C12orf56: variants seen among roughly 807,000 people sequenced by gnomAD.
C12orf56 encodes chromosome 12 open reading frame 56.
A neutral mutation model predicts 69.9 loss-of-function variants in C12orf56; 71 were observed. The observed-to-expected ratio is 1.02, with a 90% CI of 0.84 to 1.24. The LOEUF is 1.24. Ranked by LOEUF, C12orf56 falls within the 50% of genes most tolerant of loss-of-function variation. The probability of loss-of-function intolerance (pLI) is 0.00; values close to 1 mark genes in which losing one functional copy is unlikely to be tolerated. For missense variants in C12orf56, 732 were observed against 738.5 expected (o/e 0.99, Z 0.10); for synonymous variants, 276 against 274.1 (o/e 1.01, Z -0.07).
At chr12:64,362,109 C>T (rs2039407512) in intron 1 of C12orf56, among the ~76,000 whole-genome samples, 1 of 152,112 alleles carries the variant, frequency 6.6e-6, no homozygotes, top group African/African-American at 2.4e-5. Flanking sequence ...CATCCAAGAA[C>T]CCTTTCTTGG....
At chr12:64,285,616 C>T (rs1232072437) in intron 7 of C12orf56, among the ~76,000 whole-genome samples, 3 of 152,038 alleles carry the variant, frequency 2.0e-5, no homozygotes, top group Non-Finnish European at 2.9e-5. Flanking sequence ...GGTGAAACCC[C>T]GTTTCTACTA....
At chr12:64,278,494 G>A (rs2038084851) in intron 8 of C12orf56, among the ~76,000 whole-genome samples, 1 of 151,800 alleles carries the variant, frequency 6.6e-6, no homozygotes, top group Admixed American at 6.6e-5. Flanking sequence ...ATATATTTAT[G>A]GTATACAACA....
chr12:64,371,733 G>A (rs1232186895), intron 1 of C12orf56, among the ~76,000 whole-genome samples: 1 of 151,992 alleles, frequency 6.6e-6, no homozygotes, highest in Non-Finnish European at 1.5e-5. Context: ...GGGAGGCCGA[G>A]GCAGGAGAAT....
intron 8 of C12orf56, among the ~76,000 whole-genome samples, chr12:64,282,299 T>C (rs74097997): frequency 0.019 from 2,871 of 152,378 alleles, 90 homozygotes; most frequent in African/African-American, 0.065. Context: ...GCCTACAGCC[T>C]GTTTCTGTGA....
intron 8 of C12orf56, among the ~76,000 whole-genome samples, chr12:64,281,407 A>G (rs2038125627): frequency 6.6e-6 from 1 of 151,990 alleles, no homozygotes; most frequent in Admixed American, 6.6e-5. Context: ...CGTCTTAACT[A>G]AAAACATAAA....
At chr12:64,359,490 T>G (rs977193290) in intron 1 of C12orf56, among the ~76,000 whole-genome samples, 6 of 152,056 alleles carry the variant, frequency 3.9e-5, no homozygotes, top group African/African-American at 1.4e-4. Context: ...AAAAAAAAAT[T>G]CAAAAATAAA....
chr12:64,379,288 A>ATT (rs375429247), intron 1 of C12orf56, among the ~76,000 whole-genome samples: 90 of 141,820 alleles, frequency 6.3e-4, no homozygotes, highest in East Asian at 2.9e-3. Context: ...ATGCAATTTC[A>ATT]TTTTTTTTTT....
At position 64,320,226 on chromosome 12, in the gene C12orf56, A is replaced by G. The variant is rs146318582; in HGVS notation, c.489-1246T>C. 5.8e-4 allele frequency among the ~76,000 whole-genome samples: 89 copies of G among 152,272 alleles called. 1 individual carries two copies. The highest frequency in any genetic ancestry group is 4.7e-3 in the Admixed American group (72 of 15,302). ...CACTCACCACATAGCCCAAGATTCC[A>G]TTCCTTGGAATCCATGAGGCCAAGA... On this transcript the variant is annotated intron_variant, in intron 3 of 12. Transcript: ENST00000543942.
intron 2 of C12orf56, among the ~76,000 whole-genome samples, chr12:64,342,732 T>C (rs1282105649): frequency 6.6e-6 from 1 of 152,164 alleles, no homozygotes; most frequent in South Asian, 2.1e-4. Context: ...TGGTCAAACG[T>C]TCAGTTTCCA....
rs537409522 is a variant in C12orf56 at position 64,265,123 on chromosome 12, C to G, written c.*2060G>C. On this transcript the variant is annotated 3_prime_UTR_variant, in exon 13 of 13. Transcript: ENST00000543942. ...AGTTGATCCTCTCGTTGTCATCCTG[C>G]GGGTTCATCAGTACATTCTTTGTCC... is the stretch of plus-strand genomic sequence containing the variant. 9 of 152,210 alleles carry G rather than the reference C, an allele frequency of 5.9e-5. No individual in the cohort carries two copies. Among genetic ancestry groups the G allele is most frequent in the Non-Finnish European group, 1.2e-4 (8 of 68,078 alleles). 9.4% of individuals were successfully genotyped at this position (152,210 alleles called of 1,614,324 possible). A position where few individuals can be genotyped will look rare whatever the true frequency, so the allele number is the denominator to read the frequency against.
intron 12 of C12orf56, among the ~76,000 whole-genome samples, chr12:64,269,053 T>C (rs2037947914): frequency 6.6e-6 from 1 of 151,796 alleles, no homozygotes; most frequent in Non-Finnish European, 1.5e-5. Context: ...GAAGGGGGCA[T>C]TGCTTGAGCC....
chr12:64,386,257 AG>A (rs1299258740), intron 1 of C12orf56, among the ~76,000 whole-genome samples: 2 of 151,778 alleles, frequency 1.3e-5, no homozygotes, highest in Non-Finnish European at 2.9e-5. Flanking sequence ...TCTGTTGCCC[AG>A]GCTGGAGTGC....
chr12:64,354,859 G>GAGGT (rs2039285891), intron 1 of C12orf56, among the ~76,000 whole-genome samples: 1 of 149,952 alleles, frequency 6.7e-6, no homozygotes, highest in African/African-American at 2.4e-5. Flanking sequence ...CCAGTGGATC[G>GAGGT]CCTGAAGTCA....
rs550764416 is a variant in C12orf56 at position 64,337,715 on chromosome 12, C to T, written c.416-6683G>A. ...CTACTAAAAATACAAAAATTAGTCA[C>T]GTGTGGTAGTGCATGCCTGTAATCC... On this transcript the variant is annotated intron_variant, in intron 2 of 12. Coordinates refer to ENST00000543942, the MANE Select transcript of C12orf56 (RefSeq NM_001170633.2). Among the ~76,000 whole-genome samples, 164 of 151,992 alleles carry T rather than the reference C, an allele frequency of 1.1e-3. 1 individual carries two copies. The highest frequency in any genetic ancestry group is 3.8e-3 in the African/African-American group (158 of 41,462).
chr12:64,311,950 G>A (rs2038622263), intron 5 of C12orf56, among the ~76,000 whole-genome samples: 2 of 152,174 alleles, frequency 1.3e-5, no homozygotes, highest in South Asian at 2.1e-4. Context: ...GGGCATGAGC[G>A]AGTGACCATG....
chr12:64,371,660 G>A (rs1032193712), intron 1 of C12orf56, among the ~76,000 whole-genome samples: 3 of 151,362 alleles, frequency 2.0e-5, no homozygotes, highest in African/African-American at 7.3e-5. Context: ...GTGAAACCCG[G>A]CTCTAAGAAA....
intron 11 of C12orf56, among the ~76,000 whole-genome samples, chr12:64,273,979 A>G (rs768737246): frequency 7.2e-5 from 11 of 152,218 alleles, no homozygotes; most frequent in Non-Finnish European, 7.3e-5. Context: ...GAAGCAAATA[A>G]TAACACAAAC....
intron 3 of C12orf56, among the ~76,000 whole-genome samples, chr12:64,328,701 AAAAAAATATATATATATAT>A (rs1391285814): frequency 1.1e-3 from 20 of 18,630 alleles, no homozygotes; most frequent in South Asian, 1.9e-3. Context: ...AAAAAAAAAA[AAAAAAATATATATATATAT>A]ATATATATAT....
At chr12:64,373,625 A>C (rs539132990) in intron 1 of C12orf56, among the ~76,000 whole-genome samples, 1 of 152,350 alleles carries the variant, frequency 6.6e-6, no homozygotes, top group South Asian at 2.1e-4. Flanking sequence ...TTCTCTGCAC[A>C]GCAAACTCTA....
Sources: gnomAD v4.1 joint callset for allele counts (sites outside exome capture counted in the v4.1 genomes callset) on GRCh38, gnomAD v4.1.1 for gene constraint, MANE v1.5 for transcripts, NCBI Gene and HGNC (gene_info 2026-07-23, HGNC 2026-07-21) for gene names.